Variants in RYK observed in about 807,000 individuals in gnomAD.
RYK encodes inactive tyrosine-protein kinase RYK.
RYK carries 21 observed loss-of-function variants against 70.2 expected under a neutral mutation model. The ratio of observed to expected loss-of-function variants is 0.30; its 90% CI spans 0.21 to 0.43. The LOEUF (loss-of-function observed/expected upper bound fraction) is 0.43. Ranked by LOEUF, RYK falls within the 20% of genes least tolerant of loss-of-function variation. The pLI, the probability that RYK is intolerant of heterozygous loss-of-function variation, is 1.00. For missense variants in RYK, 604 were observed against 753.3 expected, an observed-to-expected ratio of 0.80 and a Z score of 2.32; for synonymous variants, 267 against 278.0, an observed-to-expected ratio of 0.96 and a Z score of 0.39.
At chr3:134,173,582 G>A (rs2012997721) in intron 13 of RYK, among the ~76,000 whole-genome samples, 1 of 152,136 alleles carries the variant, frequency 6.6e-6, no homozygotes, top group South Asian at 2.1e-4. Context: ...AATGCCAGAC[G>A]CTGATAAAAG....
At chr3:134,214,881 G>A (rs1332560164) in intron 2 of RYK, among the ~76,000 whole-genome samples, 2 of 152,106 alleles carry the variant, frequency 1.3e-5, no homozygotes, top group Non-Finnish European at 2.9e-5. Flanking sequence ...CTAGTCCCAA[G>A]GAAAGGTCCA....
chr3:134,245,175 C>A (rs2015431543), intron 1 of RYK, among the ~76,000 whole-genome samples: 1 of 152,178 alleles, frequency 6.6e-6, no homozygotes, highest in South Asian at 2.1e-4. Flanking sequence ...ATGCCCCACA[C>A]AGACAAAAGA....
At chr3:134,226,133 A>G (rs2014906047) in intron 1 of RYK, among the ~76,000 whole-genome samples, 1 of 152,078 alleles carries the variant, frequency 6.6e-6, no homozygotes, top group South Asian at 2.1e-4. Flanking sequence ...AAACAGTTAA[A>G]CCCTTCACAA....
intron 1 of RYK, among the ~76,000 whole-genome samples, chr3:134,227,609 G>C (rs2014947327): frequency 6.6e-6 from 1 of 151,742 alleles, no homozygotes; most frequent in Non-Finnish European, 1.5e-5. Context: ...TGTTAGGACA[G>C]CTATTATACT....
intron 13 of RYK, among the ~76,000 whole-genome samples, chr3:134,160,523 A>G (rs755596845): frequency 3.9e-5 from 6 of 152,178 alleles, no homozygotes; most frequent in Non-Finnish European, 8.8e-5. Context: ...CAATAGCTAC[A>G]TTTCCCCCCA....
chr3:134,211,298 G>T (rs1039590439), intron 3 of RYK, among the ~76,000 whole-genome samples: 3 of 152,140 alleles, frequency 2.0e-5, no homozygotes, highest in Non-Finnish European at 4.4e-5. Flanking sequence ...AGACAGGGAG[G>T]GCGGAGCACA....
At chr3:134,185,389 T>A (rs1330460070) in intron 9 of RYK, among the ~76,000 whole-genome samples, 1 of 150,746 alleles carries the variant, frequency 6.6e-6, no homozygotes, top group Non-Finnish European at 1.5e-5. Flanking sequence ...TGGAATCTCA[T>A]TCCTGCTTCA....
chr3:134,176,197 C>A (rs2013093923), intron 11 of RYK, among the ~76,000 whole-genome samples, 158 bp from the exon 12 acceptor site: 1 of 152,178 alleles, frequency 6.6e-6, no homozygotes, highest in African/African-American at 2.4e-5. Flanking sequence ...ACTATGTTCC[C>A]ATATATCCCT....
chr3:134,189,914 T>C lies in RYK; in HGVS notation c.1016-991A>G, dbSNP rs1208574490. The stretch of plus-strand genomic sequence containing the variant: ...ACAAGATGATCACTGAAAATGAATC[T>C]CATTTTACTCTTTCTCACTAGAAAA... On this transcript the variant is annotated intron_variant, in intron 8 of 14. Transcript: ENST00000623711. 2.0e-5 allele frequency among the ~76,000 whole-genome samples: 3 copies of C among 152,136 alleles called. No individual in the cohort carries two copies. In the East Asian group the frequency reaches 5.8e-4, roughly 29 times the overall value.
intron 6 of RYK, chr3:134,202,514 A>G (rs2014058193): frequency 8.4e-6 from 4 of 473,588 alleles, no homozygotes; most frequent in Non-Finnish European, 1.5e-5. Flanking sequence ...TTCCTCAACA[A>G]CTAAAAAACT....
In RYK at chr3:134,188,830, A is replaced by G. The variant is rs779613848; in HGVS notation, c.1102+7T>C. 3.6e-5 allele frequency: 54 copies of G among 1,508,954 alleles called. No homozygotes were observed. The highest frequency in any genetic ancestry group is 4.7e-5 in the Non-Finnish European group (51 of 1,094,858). The allele number at this position is 1,508,954 out of a possible 1,614,324, so 93.5% of individuals were successfully genotyped here. A position where few individuals can be genotyped will look rare whatever the true frequency, so the allele number is the denominator to read the frequency against. ...ATCATGGAAATACTATGGAAAAAAG[A>G]TCCTACCTTTAACTGTTTTGACAAA... On this transcript the variant is annotated splice_region_variant and intron_variant, in intron 9 of 14. Coordinates refer to ENST00000623711, the MANE Select transcript of RYK (RefSeq NM_002958.4).
chr3:134,245,688 G>A (rs537016167), intron 1 of RYK, among the ~76,000 whole-genome samples: 38 of 152,228 alleles, frequency 2.5e-4, no homozygotes, highest in Non-Finnish European at 1.5e-5. Context: ...GCCAGAAGTC[G>A]AAGGCTACAG....
intron 9 of RYK, among the ~76,000 whole-genome samples, chr3:134,186,560 C>A (rs1020547406): frequency 2.0e-5 from 3 of 152,152 alleles, no homozygotes; most frequent in African/African-American, 7.2e-5. Context: ...CCCTCTGTCC[C>A]CCATAAGGAC....
At chr3:134,224,521 T>A (rs970250222) in intron 1 of RYK, among the ~76,000 whole-genome samples, 1 of 152,174 alleles carries the variant, frequency 6.6e-6, no homozygotes, top group Non-Finnish European at 1.5e-5. Flanking sequence ...CGTTTAGGCC[T>A]CCAGATGGCT....
At chr3:134,177,017 G>A (rs2013127311) in intron 11 of RYK, among the ~76,000 whole-genome samples, 1 of 152,018 alleles carries the variant, frequency 6.6e-6, no homozygotes, top group Admixed American at 6.6e-5. Context: ...CTGCACTCTA[G>A]CCTGGGCGAC....
At chr3:134,240,687 T>C (rs1300849344) in intron 1 of RYK, among the ~76,000 whole-genome samples, 1 of 152,190 alleles carries the variant, frequency 6.6e-6, no homozygotes, top group Non-Finnish European at 1.5e-5. Context: ...GGTGTACCCA[T>C]TAAGCTTTTC....
chr3:134,196,365 C>T (rs1022232823), intron 6 of RYK, among the ~76,000 whole-genome samples: 6 of 152,272 alleles, frequency 3.9e-5, no homozygotes, highest in African/African-American at 1.4e-4. Context: ...AATCAAGTCT[C>T]CAACTTTCCT....
intron 2 of RYK, 87 bp downstream of exon 2, chr3:134,222,331 C>T: frequency 7.1e-7 from 1 of 1,405,024 alleles, no homozygotes; most frequent in Non-Finnish European, 1.0e-6. Context: ...CCCTTCAGTA[C>T]AGACAGCAGC....
chr3:134,199,316 G>C (rs2013914132), intron 6 of RYK, among the ~76,000 whole-genome samples: 1 of 152,202 alleles, frequency 6.6e-6, no homozygotes, highest in Non-Finnish European at 1.5e-5. Context: ...CGGAGCCATG[G>C]GCTCCATCTA....
Sources: allele counts gnomAD v4.1 joint callset (sites outside exome capture counted in the v4.1 genomes callset), GRCh38; gene constraint gnomAD v4.1.1; transcripts MANE v1.5; gene names NCBI Gene and HGNC (gene_info 2026-07-23, HGNC 2026-07-21).